Variants in UNC80 observed in about 807,000 individuals in gnomAD.
UNC80 encodes the protein unc-80 subunit of NALCN channel complex.
In UNC80, 164 loss-of-function variants were observed where a neutral mutation model predicts 384.6. That is an observed-to-expected ratio of 0.43 (90% CI 0.38 to 0.49). The LOEUF is 0.49. UNC80 is among the 20% of genes least tolerant of loss of function. The pLI, the probability that UNC80 is intolerant of heterozygous loss-of-function variation, is 0.00. For missense variants in UNC80, 3,330 were observed against 4,143.0 expected (o/e 0.80, Z 5.39); for synonymous variants, 1,486 against 1,527.8 (o/e 0.97, Z 0.64).
chr2:209,852,176 G>T (rs780002327), intron 22 of UNC80, among the ~76,000 whole-genome samples: 3 of 152,148 alleles, frequency 2.0e-5, no homozygotes, highest in East Asian at 1.9e-4. Flanking sequence ...TGTACAGGAG[G>T]ATCAAGCAGT....
Position 209,998,944 on chromosome 2 carries a change from A to G in UNC80, c.*3349A>G, listed in dbSNP as rs540437578. On this transcript the variant is annotated 3_prime_UTR_variant, in exon 65 of 65. Transcript: ENST00000673920. The stretch of plus-strand genomic sequence containing the variant: ...TGATTTGACACTCAGGAGAATAAAA[A>G]CAAGTTGAGGGCAGAATGTATTTGG... The G allele has an allele frequency of 6.6e-6, 1 of 152,344 alleles. No individual in the cohort carries two copies. Among genetic ancestry groups the G allele is most frequent in the African/African-American group, 2.4e-5 (1 of 41,576 alleles). 9.4% of individuals were successfully genotyped at this position (152,344 alleles called of 1,614,324 possible).
Position 209,976,434 on chromosome 2 carries a change from G to A in UNC80, c.8772+131G>A. ...AGTTAGTAGGGCCTGTTAATACCAT[G>A]CTTGATGAGAAAACCGCCCAAAAAT... On this transcript the variant is annotated intron_variant, in intron 57 of 64. Coordinates refer to ENST00000673920, the MANE Select transcript of UNC80 (RefSeq NM_001371986.1). This position sits in a 1 kb window ranked among gnomAD's most constrained non-coding sequence, Gnocchi z 4.3. 2 of 1,199,618 alleles carry A rather than the reference G, an allele frequency of 1.7e-6. No homozygotes were observed. Among genetic ancestry groups the A allele is most frequent in the East Asian group, 2.6e-5 (1 of 38,268 alleles). The allele number at this position is 1,199,618 out of a possible 1,614,324, so 74.3% of individuals were successfully genotyped here.
intron 4 of UNC80, among the ~76,000 whole-genome samples, chr2:209,782,791 A>G (rs893993980): frequency 1.3e-5 from 2 of 152,140 alleles, no homozygotes; most frequent in South Asian, 4.1e-4. Context: ...TGTTTAATAT[A>G]TTATTAATTT....
intron 13 of UNC80, among the ~76,000 whole-genome samples, chr2:209,823,949 T>C (rs1470690354): frequency 1.3e-5 from 2 of 152,114 alleles, no homozygotes; most frequent in African/African-American, 2.4e-5. Context: ...GAAAATTCCA[T>C]ACCTGACCTC....
At chr2:209,778,623 T>A (rs2076995138) in intron 4 of UNC80, among the ~76,000 whole-genome samples, 1 of 152,202 alleles carries the variant, frequency 6.6e-6, no homozygotes, top group Admixed American at 6.5e-5. Flanking sequence ...ATTTTGTTGA[T>A]ATTACTTAAC....
At chr2:209,882,486 G>A (rs2085388873) in intron 25 of UNC80, among the ~76,000 whole-genome samples, 1 of 152,158 alleles carries the variant, frequency 6.6e-6, no homozygotes, top group Admixed American at 6.5e-5. Flanking sequence ...TAAACTGTCT[G>A]CTCTCAAGAG....
intron 7 of UNC80, among the ~76,000 whole-genome samples, chr2:209,797,250 G>T (rs2078220389): frequency 6.6e-6 from 1 of 152,106 alleles, no homozygotes; most frequent in African/African-American, 2.4e-5. Context: ...GAACATGCAG[G>T]TTTGTTACAT....
intron 26 of UNC80, among the ~76,000 whole-genome samples, chr2:209,889,046 A>G (rs1233067810): frequency 6.6e-6 from 1 of 152,218 alleles, no homozygotes; most frequent in Non-Finnish European, 1.5e-5. Flanking sequence ...TTGTGAAACT[A>G]TGAAGACAGA....
chr2:209,934,217 A>G (rs2091087346), intron 39 of UNC80, among the ~76,000 whole-genome samples: 1 of 152,184 alleles, frequency 6.6e-6, no homozygotes, highest in Admixed American at 6.5e-5. Context: ...AGGGAGACTC[A>G]GAACTGAGAT....
chr2:209,809,250 C>T (rs888538353), intron 7 of UNC80: 12 of 720,564 alleles, frequency 1.7e-5, no homozygotes, highest in Middle Eastern at 2.7e-4. Context: ...AAGCCTTCAA[C>T]TGCCAATACT....
chr2:209,849,363 C>A, intron 21 of UNC80, 88 bp from the exon 22 acceptor site: 1 of 1,428,936 alleles, frequency 7.0e-7, no homozygotes. Context: ...GTAGAAAACA[C>A]ACTGTTATAT....
chr2:209,882,098 C>T (rs1301757606), intron 25 of UNC80, among the ~76,000 whole-genome samples: 1 of 151,656 alleles, frequency 6.6e-6, no homozygotes, highest in East Asian at 1.9e-4. Flanking sequence ...TCCCGAGTAG[C>T]TGGGACTACA....
chr2:209,844,173 T>C (rs1219360067), intron 21 of UNC80, among the ~76,000 whole-genome samples: 2 of 152,112 alleles, frequency 1.3e-5, no homozygotes, highest in East Asian at 1.9e-4. Context: ...ATAAAGAAAT[T>C]TTCTTGTGCT....
intron 22 of UNC80, among the ~76,000 whole-genome samples, chr2:209,854,243 T>C (rs2082729835): frequency 6.6e-6 from 1 of 152,140 alleles, no homozygotes; most frequent in African/African-American, 2.4e-5. Flanking sequence ...AATAATTTAG[T>C]AATAACAAAA....
intron 21 of UNC80, among the ~76,000 whole-genome samples, chr2:209,846,101 C>A (rs2082153482): frequency 6.6e-6 from 1 of 151,944 alleles, no homozygotes; most frequent in Non-Finnish European, 1.5e-5. Context: ...TCTAAATTAT[C>A]TTAATTACAG....
chr2:209,865,631 G>C (rs532642372), intron 22 of UNC80, among the ~76,000 whole-genome samples: 117 of 150,400 alleles, frequency 7.8e-4, no homozygotes, highest in African/African-American at 2.7e-3. Flanking sequence ...TGTTCCTGTT[G>C]TTCAAGATTT....
intron 28 of UNC80, among the ~76,000 whole-genome samples, chr2:209,903,491 TA>T: frequency 8.9e-6 from 1 of 112,198 alleles, no homozygotes; most frequent in African/African-American, 3.6e-5. Context: ...ATGTAATATA[TA>T]TATTATATAT....
chr2:209,913,455 A>G (rs954513474), intron 30 of UNC80, among the ~76,000 whole-genome samples: 2 of 152,212 alleles, frequency 1.3e-5, no homozygotes, highest in African/African-American at 2.4e-5. Flanking sequence ...GAAGGAAAAC[A>G]GGATCCTTTA....
At chr2:209,833,276 C>CAAAAAA (rs554565630) in intron 16 of UNC80, among the ~76,000 whole-genome samples, 4 of 97,368 alleles carry the variant, frequency 4.1e-5, no homozygotes, top group African/African-American at 1.1e-4. Flanking sequence ...TTTCCTAAGG[C>CAAAAAA]AAAAAAAAAA....
Sources: gnomAD v4.1 joint callset for allele counts (sites outside exome capture counted in the v4.1 genomes callset) on GRCh38, gnomAD v4.1.1 for gene constraint, Gnocchi (gnomAD v3.1) non-coding constraint, MANE v1.5 for transcripts, NCBI Gene and HGNC (gene_info 2026-07-23, HGNC 2026-07-21) for gene names.